PTPN14: variants seen among roughly 807,000 people sequenced by gnomAD.
The protein encoded by PTPN14 is protein tyrosine phosphatase non-receptor type 14, also known as tyrosine-protein phosphatase non-receptor type 14.
A neutral mutation model predicts 126.8 loss-of-function variants in PTPN14; 53 were observed. That is an observed-to-expected ratio of 0.42 (90% CI 0.34 to 0.53). The LOEUF is 0.53. Among genes scored for constraint, PTPN14 ranks in the 20% least tolerant of loss-of-function variants. The probability of loss-of-function intolerance (pLI) is 0.08; values close to 1 mark genes in which losing one functional copy is unlikely to be tolerated. For missense variants in PTPN14, 1,257 were observed against 1,552.9 expected, an observed-to-expected ratio of 0.81 and a Z score of 3.20; for synonymous variants, 630 against 599.3, an observed-to-expected ratio of 1.05 and a Z score of -0.75.
At chr1:214,445,687 T>G (rs1340799201) in intron 3 of PTPN14, among the ~76,000 whole-genome samples, 1 of 152,146 alleles carries the variant, frequency 6.6e-6, no homozygotes, top group Admixed American at 6.5e-5. Context: ...TTGAAGAAAT[T>G]AAAGAGGGAC....
At chr1:214,401,587 A>C (rs1659019798) in intron 7 of PTPN14, 98 bp downstream of exon 7, 1 of 1,047,486 alleles carries the variant, frequency 9.5e-7, no homozygotes, top group Admixed American at 2.7e-5. Flanking sequence ...AGCAAAAAGA[A>C]GGCCAAGCCA....
chr1:214,503,776 T>C (rs1047629387), intron 1 of PTPN14, among the ~76,000 whole-genome samples: 1 of 152,232 alleles, frequency 6.6e-6, no homozygotes. Context: ...TTTATCTGCA[T>C]ATAAAGTGTT....
chr1:214,506,788 T>C (rs1036443109), intron 1 of PTPN14, among the ~76,000 whole-genome samples: 1 of 151,570 alleles, frequency 6.6e-6, no homozygotes, highest in Non-Finnish European at 1.5e-5. Context: ...CGAATTTTTC[T>C]TTGCTCCCTT....
chr1:214,403,631 C>T (rs374785593), intron 5 of PTPN14, among the ~76,000 whole-genome samples: 4 of 152,192 alleles, frequency 2.6e-5, no homozygotes, highest in Admixed American at 6.5e-5. Flanking sequence ...ACTACCCTTC[C>T]GTAACACCAC....
chr1:214,534,915 A>C (rs1023554990), intron 1 of PTPN14, among the ~76,000 whole-genome samples: 50 of 152,028 alleles, frequency 3.3e-4, no homozygotes, highest in Admixed American at 6.6e-4. Flanking sequence ...CAACCTATTC[A>C]CCATCCCCTC....
intron 1 of PTPN14, among the ~76,000 whole-genome samples, chr1:214,519,537 C>T (rs1331391339): frequency 6.6e-6 from 1 of 152,150 alleles, no homozygotes; most frequent in Non-Finnish European, 1.5e-5. Flanking sequence ...GTTTCAGATA[C>T]TAAAGCACTC....
chr1:214,408,362 T>C (rs1659217735), intron 5 of PTPN14, among the ~76,000 whole-genome samples: 1 of 152,164 alleles, frequency 6.6e-6, no homozygotes, highest in African/African-American at 2.4e-5. Flanking sequence ...CTAAAATGGC[T>C]TTCAAAATTT....
intron 1 of PTPN14, among the ~76,000 whole-genome samples, chr1:214,468,999 T>G (rs2102658463): frequency 6.6e-6 from 1 of 152,250 alleles, no homozygotes; most frequent in South Asian, 2.1e-4. Context: ...CACACATCAT[T>G]TACCTACATT....
intron 3 of PTPN14, 97 bp downstream of exon 3, chr1:214,451,688 ACCACACACCCGCACCCACAC>A: frequency 8.2e-7 from 1 of 1,212,756 alleles, no homozygotes; most frequent in Non-Finnish European, 1.1e-6. Context: ...CCTCTCCCCC[ACCACACACCCGCACCCACAC>A]CCACACACCC....
At chr1:214,433,116 G>T (rs977394186) in intron 3 of PTPN14, among the ~76,000 whole-genome samples, 1 of 151,982 alleles carries the variant, frequency 6.6e-6, no homozygotes, top group Non-Finnish European at 1.5e-5. Flanking sequence ...TGTTTGCCAG[G>T]ATGGTCTTCA....
rs1659390407 is a variant in PTPN14, at chr1:214,414,813, C to A, written c.345-87G>T. ...AACACAGATGCCTCTAGATGTAAAACCTTGTGTACACAGCAGGACATGCCT... is the reference window on the plus strand; with the variant it reads ...AACACAGATGCCTCTAGATGTAAAAACTTGTGTACACAGCAGGACATGCCT... On this transcript the variant is annotated intron_variant, in intron 3 of 18. Transcript: ENST00000366956. 3.8e-6 allele frequency: 4 copies of A among 1,065,256 alleles called. No individual in the cohort carries two copies. In the South Asian group the frequency reaches 5.1e-5, roughly 14 times the overall value. The allele number at this position is 1,065,256 out of a possible 1,614,324, so 66.0% of individuals were successfully genotyped here.
chr1:214,404,347 T>G (rs912133294), intron 5 of PTPN14, among the ~76,000 whole-genome samples: 3 of 152,218 alleles, frequency 2.0e-5, no homozygotes, highest in African/African-American at 7.2e-5. Context: ...TGCGGTTTCC[T>G]GTTTAGCCAT....
At chr1:214,418,495 C>A (rs1439205641) in intron 3 of PTPN14, among the ~76,000 whole-genome samples, 1 of 152,248 alleles carries the variant, frequency 6.6e-6, no homozygotes, top group Admixed American at 6.5e-5. Flanking sequence ...ACAACCAGAT[C>A]TGGGCATGAA....
intron 13 of PTPN14, among the ~76,000 whole-genome samples, chr1:214,380,933 C>T (rs572781675): frequency 3.3e-5 from 5 of 152,166 alleles, no homozygotes; most frequent in South Asian, 2.1e-4. Context: ...TAAGGTCTGC[C>T]GGTGTCCTTG....
intron 1 of PTPN14, among the ~76,000 whole-genome samples, chr1:214,482,567 CA>C (rs1661015531): frequency 1.4e-5 from 1 of 69,178 alleles, no homozygotes; most frequent in Non-Finnish European, 2.8e-5. Flanking sequence ...CACCCGAATG[CA>C]GTTTAGAAAA....
chr1:214,531,541 C>CACACACACACACACACA, intron 1 of PTPN14: 1 of 152,154 alleles, frequency 6.6e-6, no homozygotes, highest in East Asian at 1.9e-4. Context: ...CACACACACA[C>CACACACACACACACACA]ATTCTCTGCC....
At position 214,393,782 on chromosome 1, in the gene PTPN14, GA is replaced by G; in HGVS notation, c.847-6del. ...CTTGGCATTTTCGATATCATCCTTG[GA>G]AAAGAAGAGACAGAGAAAAAAATAA... On this transcript the variant is annotated splice_polypyrimidine_tract_variant and splice_region_variant and intron_variant, in intron 9 of 18. Coordinates refer to ENST00000366956, the MANE Select transcript of PTPN14 (RefSeq NM_005401.5). 1 of 1,565,906 alleles carries G rather than the reference GA, an allele frequency of 6.4e-7. No homozygotes were observed. Among genetic ancestry groups the G allele is most frequent in the Non-Finnish European group, 8.8e-7 (1 of 1,136,750 alleles).
At chr1:214,425,992 T>C (rs1659652902) in intron 3 of PTPN14, among the ~76,000 whole-genome samples, 2 of 125,690 alleles carry the variant, frequency 1.6e-5, no homozygotes, top group Admixed American at 1.1e-4. Flanking sequence ...GCCTGTGTAG[T>C]AGGTTAGTCT....
chr1:214,397,527 A>G (rs1658908096), intron 8 of PTPN14, among the ~76,000 whole-genome samples: 1 of 152,082 alleles, frequency 6.6e-6, no homozygotes, highest in Non-Finnish European at 1.5e-5. Flanking sequence ...TTCAAAACAC[A>G]TTTTTAAAAC....
Sources: gnomAD v4.1 joint callset for allele counts (sites outside exome capture counted in the v4.1 genomes callset) on GRCh38, gnomAD v4.1.1 for gene constraint, MANE v1.5 for transcripts, NCBI Gene and HGNC (gene_info 2026-07-23, HGNC 2026-07-21) for gene names.